Variants in CCDC15 observed in about 807,000 individuals in gnomAD.
CCDC15 encodes the protein coiled-coil domain containing 15.
A neutral mutation model predicts 114.5 loss-of-function variants in CCDC15; 105 were observed. The observed-to-expected ratio is 0.92, with a 90% confidence interval of 0.78 to 1.08. The LOEUF is 1.08. Ranked by LOEUF, CCDC15 falls within the 50% of genes least tolerant of loss-of-function variation. The pLI, the probability that CCDC15 is intolerant of heterozygous loss-of-function variation, is 0.00. For missense variants in CCDC15, 1,105 were observed against 1,093.6 expected, an observed-to-expected ratio of 1.01 and a Z score of -0.15; for synonymous variants, 334 against 377.8, an observed-to-expected ratio of 0.88 and a Z score of 1.34.
At chr11:124,986,601 G>A in intron 6 of CCDC15, 141 bp from the exon 7 acceptor site, 2 of 860,086 alleles carry the variant, frequency 2.3e-6, no homozygotes, top group Non-Finnish European at 3.4e-6. Flanking sequence ...AATTATAATA[G>A]CAGTGACCTG....
Position 124,954,798 on chromosome 11 carries a change from C to G in CCDC15, c.66C>G (p.Pro22=), listed in dbSNP as rs373214536. 4.3e-4 allele frequency: 687 copies of G among 1,613,890 alleles called. 1 individual carries two copies. Among genetic ancestry groups the G allele is most frequent in the Non-Finnish European group, 5.7e-4 (667 of 1,179,896 alleles). The stretch of plus-strand genomic sequence containing the variant: ...CAAGGTTGCCCCTGGCTTTAAACCC[C>G]CTGAAGAGCAAGGACGTGTTGGCAG... ...NTSRLPLALN[P]LKSKDVLAVL... is the part of the protein sequence containing the mutation. The change falls in exon 2 of 16, where the codon CCC becomes CCG. Residue 22 remains proline, a synonymous_variant. Transcript: ENST00000344762.
chr11:124,968,797 C>A (rs1363484898), intron 4 of CCDC15, among the ~76,000 whole-genome samples: 1 of 152,112 alleles, frequency 6.6e-6, no homozygotes, highest in African/African-American at 2.4e-5. Flanking sequence ...GAATGGACCC[C>A]CCAATTCTTT....
chr11:124,954,718 A>G lies in CCDC15; in HGVS notation c.-9-6A>G, dbSNP rs115442493. 12 of 1,612,830 alleles carry G rather than the reference A, an allele frequency of 7.4e-6. No individual in the cohort carries two copies. The highest frequency in any genetic ancestry group is 1.7e-5 in the Admixed American group (1 of 59,952). On this transcript the variant is annotated splice_region_variant and splice_polypyrimidine_tract_variant and intron_variant, in intron 1 of 15. Transcript: ENST00000344762. ...AGATTTTAAGCTTTTTCTTTCTCCTAATCAGGAGTCACAGATGCTGGGAAG... is the reference window on the plus strand; with the variant it reads ...AGATTTTAAGCTTTTTCTTTCTCCTGATCAGGAGTCACAGATGCTGGGAAG...
chr11:125,023,339 T>C (rs1231266849), intron 13 of CCDC15, among the ~76,000 whole-genome samples: 4 of 151,930 alleles, frequency 2.6e-5, no homozygotes, highest in African/African-American at 7.2e-5. Flanking sequence ...AATTAAAAAC[T>C]ATCAGGAAAG....
chr11:125,006,499 A>G (rs1948552724), intron 13 of CCDC15, among the ~76,000 whole-genome samples: 1 of 152,194 alleles, frequency 6.6e-6, no homozygotes, highest in African/African-American at 2.4e-5. Context: ...ATCTGTTGAC[A>G]GTATCTTTTG....
intron 6 of CCDC15, among the ~76,000 whole-genome samples, chr11:124,979,387 A>G (rs1398474658): frequency 3.9e-5 from 6 of 152,142 alleles, no homozygotes; most frequent in African/African-American, 1.4e-4. Flanking sequence ...TGGCCATTTT[A>G]ACTATATTGA....
chr11:124,966,782 G>A (rs1370496069), intron 4 of CCDC15, among the ~76,000 whole-genome samples: 3 of 152,150 alleles, frequency 2.0e-5, no homozygotes, highest in African/African-American at 4.8e-5. Flanking sequence ...GCTGGTACTG[G>A]TTGTTCCTTT....
Position 125,040,790 on chromosome 11 carries a change from C to A in CCDC15, c.*79C>A. On this transcript the variant is annotated 3_prime_UTR_variant, in exon 16 of 16. Transcript: ENST00000344762. ...GAGAGAGTATTTAAGAAAAGCTGTT[C>A]AAGTTATAAAATATATAATCTGGGA... 1.6e-6 allele frequency: 2 copies of A among 1,239,470 alleles called. No individual in the cohort carries two copies. The highest frequency in any genetic ancestry group is 1.4e-5 in the South Asian group (1 of 71,498). The allele number at this position is 1,239,470 out of a possible 1,614,324, so 76.8% of individuals were successfully genotyped here.
rs547676826 is a variant in CCDC15, at chr11:124,954,382, T to C, written c.-10+12T>C. The C allele has an allele frequency of 3.6e-4, 71 of 196,914 alleles. No individual in the cohort carries two copies. Among genetic ancestry groups the C allele is most frequent in the African/African-American group, 1.6e-3 (68 of 42,632 alleles). 12.2% of individuals were successfully genotyped at this position (196,914 alleles called of 1,614,324 possible). On this transcript the variant is annotated intron_variant, in intron 1 of 15. Transcript: ENST00000344762. ...GGCTGCAGACACAGGTCCCCGCCCC[T>C]CCCTCTTTCTCCGGGTTGCAGCTGT...
intron 11 of CCDC15, among the ~76,000 whole-genome samples, chr11:124,996,841 T>A (rs1948380705): frequency 6.6e-6 from 1 of 152,254 alleles, no homozygotes; most frequent in South Asian, 2.1e-4. Context: ...CTTAGCATAA[T>A]GCTATGGCAT....
At chr11:124,974,994 T>G (rs1239871858) in intron 4 of CCDC15, 102 bp from the exon 5 acceptor site, 1 of 631,646 alleles carries the variant, frequency 1.6e-6, no homozygotes, top group African/African-American at 1.9e-5. Context: ...AGATCTGGCA[T>G]TTTTTAATAA....
At position 124,993,189 on chromosome 11, in the gene CCDC15, C is replaced by T. The variant is rs1445728228; in HGVS notation, c.2160C>T (p.Pro720=). 3.1e-6 allele frequency: 5 copies of T among 1,606,396 alleles called. No homozygotes were observed. Among genetic ancestry groups the T allele is most frequent in the African/African-American group, 1.3e-5 (1 of 74,872 alleles). Residue 720 remains proline, a synonymous_variant, in exon 11 of 16, where the codon CCC becomes CCT. Transcript: ENST00000344762. The part of the protein sequence containing the change: ...PREQNKHIKL[P]SSFEKWEIAR... ...TTTAGAACAAGCATATCAAACTACC[C>T]TCATCTTTTGAGAAATGGGAGATTG...
At chr11:125,003,250 C>CT in intron 11 of CCDC15, among the ~76,000 whole-genome samples, 1 of 149,162 alleles carries the variant, frequency 6.7e-6, no homozygotes, top group East Asian at 2.0e-4. Flanking sequence ...ATCCTGCAAC[C>CT]TTGTTGAAAG....
chr11:125,026,495 A>T (rs1948703248), intron 13 of CCDC15, among the ~76,000 whole-genome samples: 1 of 152,224 alleles, frequency 6.6e-6, no homozygotes, highest in Non-Finnish European at 1.5e-5. Context: ...TTTTGGCAAT[A>T]TGAAGTTAAA....
chr11:124,986,808 G>A lies in CCDC15; in HGVS notation c.820G>A (p.Glu274Lys). ...TCTTGTAACTGATGAGAAAGGGAAA[G>A]AAGATTTGTTTGGGAGAGGCCAGCA... The part of the protein sequence containing the change: ...SSLVTDEKGK[E>K]DLFGRGQQDQ... Residue 274 changes from glutamate (E) to lysine (K), a missense_variant, in exon 7 of 16, where the codon GAA (glutamate) becomes AAA (lysine). By Grantham distance (56) the Glu-to-Lys change is moderately conservative. Transcript: ENST00000344762. The A allele has an allele frequency of 6.4e-7, 1 of 1,553,818 alleles. No individual in the cohort carries two copies. Among genetic ancestry groups the A allele is most frequent in the South Asian group, 1.2e-5 (1 of 84,124 alleles).
chr11:124,988,181 T>A, intron 8 of CCDC15, 47 bp downstream of exon 8: 1 of 1,554,148 alleles, frequency 6.4e-7, no homozygotes, highest in Middle Eastern at 1.7e-4. Flanking sequence ...ATAAGCTACT[T>A]AGGGTTTGAG....
chr11:125,001,635 A>G (rs979120522), intron 11 of CCDC15, among the ~76,000 whole-genome samples: 3 of 152,190 alleles, frequency 2.0e-5, no homozygotes, highest in African/African-American at 7.2e-5. Flanking sequence ...TGGGTAGTCT[A>G]TGTAAAGGAG....
At chr11:124,969,531 C>T (rs916876431) in intron 4 of CCDC15, among the ~76,000 whole-genome samples, 3 of 151,972 alleles carry the variant, frequency 2.0e-5, no homozygotes, top group African/African-American at 7.2e-5. Flanking sequence ...TGGTTTATTC[C>T]AGCTTTTTGT....
chr11:124,986,309 A>T (rs1159140554), intron 6 of CCDC15, among the ~76,000 whole-genome samples: 2 of 152,194 alleles, frequency 1.3e-5, no homozygotes, highest in Non-Finnish European at 2.9e-5. Context: ...CTTCTTTTTC[A>T]AGAAAGTGTT....
Sources: gnomAD v4.1 joint callset for allele counts (sites outside exome capture counted in the v4.1 genomes callset) on GRCh38, gnomAD v4.1.1 for gene constraint, MANE v1.5 for transcripts, NCBI Gene and HGNC (gene_info 2026-07-23, HGNC 2026-07-21) for gene names.